Variants in GALNT14 observed in about 807,000 individuals in gnomAD.
GALNT14 encodes the protein polypeptide N-acetylgalactosaminyltransferase 14.
GALNT14 carries 60 observed loss-of-function variants against 77.5 expected under a neutral mutation model. The ratio of observed to expected loss-of-function variants is 0.77; its 90% CI spans 0.63 to 0.96. The LOEUF (loss-of-function observed/expected upper bound fraction) is 0.96. GALNT14 is among the 40% of genes least tolerant of loss of function. The pLI is 0.00. For synonymous variants in GALNT14, 280 were observed against 281.7 expected (o/e 0.99, Z 0.06); for missense variants, 710 against 731.0 (o/e 0.97, Z 0.33).
At chr2:30,970,767 G>C (rs780835085) in intron 2 of GALNT14, among the ~76,000 whole-genome samples, 1 of 152,128 alleles carries the variant, frequency 6.6e-6, no homozygotes, top group Non-Finnish European at 1.5e-5. Context: ...AGGGCAGGTA[G>C]TGGGGTGCCA....
At chr2:31,024,918 A>G (rs1488209382) in intron 1 of GALNT14, among the ~76,000 whole-genome samples, 2 of 152,200 alleles carry the variant, frequency 1.3e-5, no homozygotes, top group African/African-American at 4.8e-5. Context: ...GTGGGATGGC[A>G]TAGAGGGAGG....
At chr2:30,896,841 T>C in the GALNT14 span, among the ~76,000 whole-genome samples, 4 of 151,240 alleles carry the variant, frequency 2.6e-5, no homozygotes, top group Non-Finnish European at 5.9e-5. Context: ...ACCCCCACAA[T>C]TGGAAAAATA....
chr2:30,985,627 C>T (rs542012467), intron 2 of GALNT14, among the ~76,000 whole-genome samples: 30 of 152,338 alleles, frequency 2.0e-4, no homozygotes, highest in South Asian at 1.2e-3. Context: ...CTGCTCTTCC[C>T]TTCCTCCCCC....
intron 13 of GALNT14, among the ~76,000 whole-genome samples, chr2:30,921,551 C>G (rs1380764243): frequency 1.3e-5 from 2 of 152,234 alleles, no homozygotes; most frequent in African/African-American, 4.8e-5. Flanking sequence ...CCACCGCAAG[C>G]TGGAGCTGGG....
intron 3 of GALNT14, among the ~76,000 whole-genome samples, chr2:30,962,143 C>T (rs957117525): frequency 3.3e-5 from 5 of 152,154 alleles, no homozygotes; most frequent in African/African-American, 4.8e-5. Flanking sequence ...CTGTTGTCAC[C>T]GCTCAGGCTC....
intron 1 of GALNT14, among the ~76,000 whole-genome samples, chr2:31,120,255 GATCA>G (rs1678339807): frequency 6.6e-6 from 1 of 151,600 alleles, no homozygotes; most frequent in Non-Finnish European, 1.5e-5. Flanking sequence ...TATATAATGT[GATCA>G]ATCTCTCACT....
At chr2:30,990,061 A>G (rs1669607828) in intron 2 of GALNT14, among the ~76,000 whole-genome samples, 1 of 152,110 alleles carries the variant, frequency 6.6e-6, no homozygotes, top group African/African-American at 2.4e-5. Context: ...AGAGATCTTC[A>G]CTGCAATTTC....
intron 6 of GALNT14, among the ~76,000 whole-genome samples, chr2:30,950,756 G>C (rs921909130): frequency 6.6e-6 from 1 of 152,244 alleles, no homozygotes; most frequent in Admixed American, 6.5e-5. Context: ...AAGGACCCAG[G>C]AGCTTAGCTT....
At chr2:31,007,535 T>TA (rs1670756902) in intron 1 of GALNT14, among the ~76,000 whole-genome samples, 2 of 152,192 alleles carry the variant, frequency 1.3e-5, no homozygotes, top group South Asian at 2.1e-4. Flanking sequence ...TGTAAGGTGT[T>TA]AGAGTGACAT....
the GALNT14 span, among the ~76,000 whole-genome samples, chr2:30,889,263 A>C: frequency 6.6e-6 from 1 of 152,264 alleles, no homozygotes; most frequent in Non-Finnish European, 1.5e-5. Flanking sequence ...ACTAATGATC[A>C]GAAATTAAAA....
intron 1 of GALNT14, among the ~76,000 whole-genome samples, chr2:31,030,026 G>A (rs1438562291): frequency 1.3e-5 from 2 of 152,194 alleles, no homozygotes; most frequent in Non-Finnish European, 2.9e-5. Flanking sequence ...ACAGCATTGT[G>A]CATATCATAC....
chr2:31,129,646 C>T, intron 1 of GALNT14: 1 of 985,162 alleles, frequency 1.0e-6, no homozygotes, highest in Non-Finnish European at 1.2e-6. Flanking sequence ...AATCTGGCAT[C>T]TATTATGCCT....
chr2:30,945,647 G>A (rs748688687), intron 7 of GALNT14, 136 bp downstream of exon 7: 1 of 709,000 alleles, frequency 1.4e-6, no homozygotes, highest in Non-Finnish European at 2.5e-6. Context: ...CCAAGCTAAG[G>A]TAATTATAGT....
intron 1 of GALNT14, among the ~76,000 whole-genome samples, chr2:31,125,524 A>G (rs2216832): frequency 0.42 from 63,157 of 152,112 alleles, 15,422 homozygotes; most frequent in East Asian, 0.84. Context: ...TTGTGGCTCA[A>G]TGTTTATTGA....
intron 1 of GALNT14, among the ~76,000 whole-genome samples, chr2:31,037,373 A>T (rs1573214838): frequency 6.6e-6 from 1 of 152,216 alleles, no homozygotes; most frequent in African/African-American, 2.4e-5. Flanking sequence ...TTCTTTAATT[A>T]ATCAGACAAT....
chr2:30,943,190 T>C (rs1666483522), intron 8 of GALNT14, among the ~76,000 whole-genome samples: 1 of 152,176 alleles, frequency 6.6e-6, no homozygotes, highest in Admixed American at 6.5e-5. Flanking sequence ...ACAGCAGCCC[T>C]AGCAAACTCA....
chr2:31,123,181 C>CCAAAA, intron 1 of GALNT14, among the ~76,000 whole-genome samples: 1 of 96,828 alleles, frequency 1.0e-5, no homozygotes, highest in South Asian at 4.3e-4. Context: ...GACTCCATCT[C>CCAAAA]AAAAAAAAAA....
chr2:30,962,859 C>G (rs1174767273), intron 3 of GALNT14, among the ~76,000 whole-genome samples: 1 of 152,170 alleles, frequency 6.6e-6, no homozygotes, highest in Non-Finnish European at 1.5e-5. Flanking sequence ...CAGGACATGT[C>G]CTTCAGTCAG....
chr2:31,076,502 G>A (rs1368522841), intron 1 of GALNT14, among the ~76,000 whole-genome samples: 2 of 152,066 alleles, frequency 1.3e-5, no homozygotes, highest in East Asian at 1.9e-4. Context: ...CAAGGAACAG[G>A]TCCTACAGAA....
Sources: gnomAD v4.1 joint callset for allele counts (sites outside exome capture counted in the v4.1 genomes callset) on GRCh38, gnomAD v4.1.1 for gene constraint, MANE v1.5 for transcripts, NCBI Gene and HGNC (gene_info 2026-07-23, HGNC 2026-07-21) for gene names.